OSGIN1: variants seen among roughly 807,000 people sequenced by gnomAD.
OSGIN1 encodes oxidative stress induced growth inhibitor 1.
A neutral mutation model predicts 20.1 loss-of-function variants in OSGIN1; 19 were observed. That is an observed-to-expected ratio of 0.95 (90% CI 0.66 to 1.39). OSGIN1 has a LOEUF of 1.39. Among genes scored for constraint, OSGIN1 ranks in the 40% most tolerant of loss-of-function variants. The probability of loss-of-function intolerance (pLI) is 0.00; values close to 1 mark genes in which losing one functional copy is unlikely to be tolerated. For synonymous variants in OSGIN1, 368 were observed against 297.8 expected (o/e 1.24, Z -2.43); for missense variants, 820 against 653.0 (o/e 1.26, Z -2.79).
chr16:83,963,891 A>C (rs767286495), intron 5 of OSGIN1, among the ~76,000 whole-genome samples: 1 of 152,238 alleles, frequency 6.6e-6, no homozygotes, highest in Non-Finnish European at 1.5e-5. Flanking sequence ...CTGCCCCTGG[A>C]AAGAGTGACA....
At chr16:83,956,142 G>A (rs1168224887) in intron 1 of OSGIN1, among the ~76,000 whole-genome samples, 3 of 152,314 alleles carry the variant, frequency 2.0e-5, no homozygotes, top group African/African-American at 4.8e-5. Context: ...CTCTGAGAAG[G>A]TCAGTTGTTG....
Position 83,964,350 on chromosome 16 carries a change from G to C in OSGIN1, c.489-712G>C, listed in dbSNP as rs142388335. Reference sequence around the variant, plus strand: ...ATAAAATAAAATAAAATAATAAATTGGCTACATATAGAAAAGTACGTAACT... The same window carrying C: ...ATAAAATAAAATAAAATAATAAATTCGCTACATATAGAAAAGTACGTAACT... On this transcript the variant is annotated intron_variant, in intron 5 of 5. Transcript: ENST00000393306. Among the ~76,000 whole-genome samples the C allele has an allele frequency of 3.1e-4, 47 of 151,932 alleles. 1 individual carries two copies. The East Asian group carries it at 8.9e-3, about 29-fold the overall frequency.
intron 3 of OSGIN1, among the ~76,000 whole-genome samples, chr16:83,960,291 T>C (rs1909140984): frequency 6.6e-6 from 1 of 152,224 alleles, no homozygotes; most frequent in African/African-American, 2.4e-5. Context: ...CCCAAGCTGA[T>C]CTGACCACAC....
chr16:83,959,624 G>C (rs972704470), intron 3 of OSGIN1, among the ~76,000 whole-genome samples: 3 of 152,198 alleles, frequency 2.0e-5, no homozygotes, highest in African/African-American at 7.2e-5. Context: ...TTCTCAAGGA[G>C]GGGATGATTT....
chr16:83,966,241 C>T lies in OSGIN1; in HGVS notation c.*234C>T. 1 of 547,412 alleles carries T rather than the reference C, an allele frequency of 1.8e-6. No homozygotes were observed. Among genetic ancestry groups the T allele is most frequent in the East Asian group, 3.0e-5 (1 of 33,598 alleles). The allele number at this position is 547,412 out of a possible 1,614,324, so 33.9% of individuals were successfully genotyped here. A position where few individuals can be genotyped will look rare whatever the true frequency, so the allele number is the denominator to read the frequency against. On this transcript the variant is annotated 3_prime_UTR_variant, in exon 6 of 6. Coordinates refer to ENST00000393306, the MANE Select transcript of OSGIN1 (RefSeq NM_182981.3). ...CTAGACCTGGGATTTGTGGGGAAAG[C>T]TGCTGGTGTGACCAGCTGAGCACCC... is the stretch of plus-strand genomic sequence containing the variant.
Position 83,960,964 on chromosome 16 carries a change from G to T in OSGIN1, c.397-17G>T, listed in dbSNP as rs2136662. The T allele has an allele frequency of 0.61, 974,371 of 1,609,992 alleles. 299,116 individuals carry two copies. Among genetic ancestry groups the T allele is most frequent in the East Asian group, 0.83 (37,201 of 44,846 alleles). On this transcript the variant is annotated splice_polypyrimidine_tract_variant and intron_variant, in intron 4 of 5. Transcript: ENST00000393306. The stretch of plus-strand genomic sequence containing the variant: ...AGGCGAGCAGAGGCCTGGACCAAAG[G>T]GTTCCTTTCCCTGCAGTCCATCGAA...
intron 1 of OSGIN1, among the ~76,000 whole-genome samples, chr16:83,955,242 T>A (rs951752822): frequency 1.3e-5 from 2 of 152,108 alleles, no homozygotes; most frequent in Non-Finnish European, 2.9e-5. Flanking sequence ...AGACCCGTAG[T>A]CCTGTTCTCC....
In OSGIN1 at chr16:83,953,327, C is replaced by T; in HGVS notation, c.-76C>T. 1 of 1,288,996 alleles carries T rather than the reference C, an allele frequency of 7.8e-7. No homozygotes were observed. Among genetic ancestry groups the T allele is most frequent in the Non-Finnish European group, 1.0e-6 (1 of 988,588 alleles). 79.8% of individuals were successfully genotyped at this position (1,288,996 alleles called of 1,614,324 possible). ...GTGTTCCCCTGACCCTCCTAGTGCA[C>T]AACTTGGCCGGGCTCACTGGGCTCC... is the stretch of plus-strand genomic sequence containing the variant. On this transcript the variant is annotated 5_prime_UTR_variant, in exon 1 of 6. Coordinates refer to ENST00000393306, the MANE Select transcript of OSGIN1 (RefSeq NM_182981.3).
rs186444377 is a variant in OSGIN1, at chr16:83,961,356, G to C, written c.488+284G>C. Reference sequence around the variant, plus strand: ...TTGAAGCAAAGGCAGGAAGTGGGGAGGGGGCTTCCAGGTCGCAGGTAGGTG... The same window carrying C: ...TTGAAGCAAAGGCAGGAAGTGGGGACGGGGCTTCCAGGTCGCAGGTAGGTG... On this transcript the variant is annotated intron_variant, in intron 5 of 5. Transcript: ENST00000393306. 1.4e-5 allele frequency: 6 copies of C among 418,800 alleles called. No homozygotes were observed. The East Asian group carries it at 2.4e-4, about 17-fold the overall frequency. 25.9% of individuals were successfully genotyped at this position (418,800 alleles called of 1,614,324 possible).
At chr16:83,959,696 G>A (rs1025886699) in intron 3 of OSGIN1, among the ~76,000 whole-genome samples, 1 of 152,096 alleles carries the variant, frequency 6.6e-6, no homozygotes, top group East Asian at 1.9e-4. Context: ...GCAGGGTGAC[G>A]GTACTACCAA....
At chr16:83,955,787 C>G (rs1908898248) in intron 1 of OSGIN1, among the ~76,000 whole-genome samples, 1 of 152,126 alleles carries the variant, frequency 6.6e-6, no homozygotes, top group Admixed American at 6.5e-5. Flanking sequence ...GGGAGCTGAG[C>G]ATGAAGAGGC....
intron 1 of OSGIN1, among the ~76,000 whole-genome samples, chr16:83,956,092 G>A (rs928965588): frequency 3.3e-5 from 5 of 152,218 alleles, no homozygotes; most frequent in African/African-American, 1.2e-4. Flanking sequence ...CGGGCTGGAC[G>A]CTACTGCTTA....
In OSGIN1 at chr16:83,965,241, G is replaced by A. The variant is rs772598622; in HGVS notation, c.668G>A (p.Ser223Asn). The part of the protein sequence containing the change: ...AQDSSPLFQV[S>N]GFLTRNQAQQ... ...GACTCCAGCCCCCTCTTCCAGGTGA[G>A]CGGCTTCCTGACCAGGAACCAGGCC... The change falls in exon 6 of 6, where the codon AGC (serine) becomes AAC (asparagine). Residue 223 changes from serine to asparagine, a missense_variant. By Grantham distance (46) the Ser-to-Asn change is conservative. Coordinates refer to ENST00000393306, the MANE Select transcript of OSGIN1 (RefSeq NM_182981.3). The A allele has an allele frequency of 1.6e-5, 25 of 1,612,208 alleles. No homozygotes were observed. The highest frequency in any genetic ancestry group is 1.9e-5 in the Non-Finnish European group (23 of 1,179,626).
rs114005643 is a variant in OSGIN1, at chr16:83,958,238, G to A, written c.67+500G>A. 6.3e-3 allele frequency among the ~76,000 whole-genome samples: 963 copies of A among 152,346 alleles called. 11 individuals are homozygous for A. The highest frequency in any genetic ancestry group is 0.022 in the African/African-American group (919 of 41,574). ...CCATTGAGCGTTTACTATGTGGCCAGTGCTAGGCTTAGCAGTTTATAAGCT... is the reference window on the plus strand; with the variant it reads ...CCATTGAGCGTTTACTATGTGGCCAATGCTAGGCTTAGCAGTTTATAAGCT... On this transcript the variant is annotated intron_variant, in intron 2 of 5. Coordinates refer to ENST00000393306, the MANE Select transcript of OSGIN1 (RefSeq NM_182981.3).
intron 2 of OSGIN1, 58 bp from the exon 3 acceptor site, chr16:83,959,202 C>T (rs1189659497): frequency 4.7e-6 from 6 of 1,272,772 alleles, no homozygotes; most frequent in South Asian, 2.5e-5. Context: ...AAGCCCTCCA[C>T]AGTAGTGTCC....
intron 1 of OSGIN1, among the ~76,000 whole-genome samples, chr16:83,953,596 C>G (rs1470371399): frequency 6.6e-6 from 1 of 152,230 alleles, no homozygotes; most frequent in East Asian, 1.9e-4. Context: ...GTGCCTGGTA[C>G]CCTCAGCCAA....
intron 1 of OSGIN1, among the ~76,000 whole-genome samples, chr16:83,955,281 A>G (rs2255437): frequency 0.51 from 77,937 of 151,966 alleles, 20,965 homozygotes; most frequent in East Asian, 0.74. Context: ...CAGCACCCAG[A>G]GTCAATGAGA....
At chr16:83,964,310 TTAAAA>T (rs1555544650) in intron 5 of OSGIN1, among the ~76,000 whole-genome samples, 58 of 151,364 alleles carry the variant, frequency 3.8e-4, no homozygotes, top group South Asian at 3.6e-3. Context: ...TCTCAAAAAA[TTAAAA>T]TAAAATAAAA....
Position 83,965,421 on chromosome 16 carries a change from C to G in OSGIN1, c.848C>G (p.Pro283Arg). The G allele has an allele frequency of 6.3e-7, 1 of 1,580,924 alleles. No homozygotes were observed. The highest frequency in any genetic ancestry group is 1.7e-4 in the Middle Eastern group (1 of 5,952). The change falls in exon 6 of 6, where the codon CCG (proline) becomes CGG (arginine). Residue 283 changes from proline (P) to arginine (R), a missense_variant. Coordinates refer to ENST00000393306, the MANE Select transcript of OSGIN1 (RefSeq NM_182981.3). ...GCCACAAGGGTGGGTGCGGTGACCC[C>G]GGCCTCAGACCCTGTCCTCATCATT... is the stretch of plus-strand genomic sequence containing the variant. ...EAATRVGAVTPASDPVLIIGA... is the reference protein window; with the variant it reads ...EAATRVGAVTRASDPVLIIGA...
Sources: gnomAD v4.1 joint callset for allele counts (sites outside exome capture counted in the v4.1 genomes callset) on GRCh38, gnomAD v4.1.1 for gene constraint, MANE v1.5 for transcripts, NCBI Gene and HGNC (gene_info 2026-07-23, HGNC 2026-07-21) for gene names.